The following SULT4A1 variants were observed in gnomAD, a reference collection of about 807,000 sequenced individuals.
The protein encoded by SULT4A1 is sulfotransferase 4A1.
A neutral mutation model predicts 35.2 loss-of-function variants in SULT4A1; 11 were observed. The observed-to-expected ratio is 0.31, with a 90% CI of 0.20 to 0.52. SULT4A1 has a LOEUF of 0.52. SULT4A1 is among the 20% of genes least tolerant of loss of function. The probability of loss-of-function intolerance (pLI) is 0.97; values close to 1 mark genes in which losing one functional copy is unlikely to be tolerated. For synonymous variants in SULT4A1, 152 were observed against 151.8 expected, an observed-to-expected ratio of 1.00 and a Z score of -0.01; for missense variants, 271 against 383.7, an observed-to-expected ratio of 0.71 and a Z score of 2.45.
At chr22:43,850,351 C>T (rs150052101) in intron 1 of SULT4A1, among the ~76,000 whole-genome samples, 4 of 152,334 alleles carry the variant, frequency 2.6e-5, no homozygotes, top group South Asian at 2.1e-4. Context: ...AGTCGCAGCA[C>T]GATTTTGGAT....
chr22:43,827,160 A>C, intron 6 of SULT4A1: 1 of 985,410 alleles, frequency 1.0e-6, no homozygotes, highest in Non-Finnish European at 1.2e-6. Context: ...GCTTTTGAAG[A>C]ACTGCTCGTT....
rs553571333 is a variant in SULT4A1, at chr22:43,846,079, CAG to C, written c.170-4149_170-4148del. On this transcript the variant is annotated intron_variant, in intron 1 of 6. Transcript: ENST00000330884. Reference sequence around the variant, plus strand: ...CGCCGTCAGGCAGCTCTGCCTCCCACAGAGTCAACGCAAGGCCTTCACCATGT... The same window carrying C: ...CGCCGTCAGGCAGCTCTGCCTCCCACAGTCAACGCAAGGCCTTCACCATGT... 3.2e-3 allele frequency among the ~76,000 whole-genome samples: 492 copies of C among 152,344 alleles called. 6 individuals carry two copies. Among genetic ancestry groups the C allele is most frequent in the African/African-American group, 0.011 (475 of 41,576 alleles).
intron 1 of SULT4A1, among the ~76,000 whole-genome samples, chr22:43,853,248 A>C (rs1017683420): frequency 1.3e-5 from 2 of 152,164 alleles, no homozygotes; most frequent in Non-Finnish European, 2.9e-5. Flanking sequence ...GCAGCGAAAC[A>C]GGGCCACGTC....
intron 1 of SULT4A1, among the ~76,000 whole-genome samples, chr22:43,856,042 TCA>T (rs2049397965): frequency 6.6e-6 from 1 of 152,164 alleles, no homozygotes; most frequent in African/African-American, 2.4e-5. Context: ...CCAGAGAATC[TCA>T]CACTGAGCAG....
chr22:43,825,943 G>A lies in SULT4A1; in HGVS notation c.*58C>T, dbSNP rs897259078. 1.3e-6 allele frequency: 2 copies of A among 1,523,280 alleles called. No homozygotes were observed. Among genetic ancestry groups the A allele is most frequent in the Middle Eastern group, 1.7e-4 (1 of 5,816 alleles). The allele number at this position is 1,523,280 out of a possible 1,614,324, so 94.4% of individuals were successfully genotyped here. On this transcript the variant is annotated 3_prime_UTR_variant, in exon 7 of 7. Transcript: ENST00000330884. ...GCAAGGAATAAATGAATGCATACAG[G>A]ACTTTTGGCTAGTAGACTGTCTGGG...
At chr22:43,852,706 C>T (rs113354904) in intron 1 of SULT4A1, among the ~76,000 whole-genome samples, 6 of 151,696 alleles carry the variant, frequency 4.0e-5, no homozygotes, top group Admixed American at 1.3e-4. Flanking sequence ...ACAATGCCCT[C>T]GACACAGAGC....
chr22:43,854,871 T>C (rs1392729138), intron 1 of SULT4A1, among the ~76,000 whole-genome samples: 1 of 152,164 alleles, frequency 6.6e-6, no homozygotes, highest in Non-Finnish European at 1.5e-5. Flanking sequence ...GCCCACTCTC[T>C]AGTACGAAAG....
At chr22:43,826,916 T>G (rs540081257) in intron 6 of SULT4A1, 1 of 985,446 alleles carries the variant, frequency 1.0e-6, no homozygotes, top group East Asian at 1.1e-4. Context: ...AAGGGAGGGC[T>G]GAGCTGTGGG....
At chr22:43,833,839 T>C in intron 4 of SULT4A1, 105 bp from the exon 5 acceptor site, 1 of 921,016 alleles carries the variant, frequency 1.1e-6, no homozygotes, top group Admixed American at 2.2e-5. Flanking sequence ...CCAGCAGCCG[T>C]GATGAGGACA....
chr22:43,838,035 C>G (rs1331025491), intron 4 of SULT4A1, among the ~76,000 whole-genome samples: 1 of 152,250 alleles, frequency 6.6e-6, no homozygotes, highest in African/African-American at 2.4e-5. Context: ...TGCCTGCACA[C>G]CCTACACTGC....
At chr22:43,829,934 T>C (rs143930762) in intron 5 of SULT4A1, among the ~76,000 whole-genome samples, 150 of 152,320 alleles carry the variant, frequency 9.8e-4, no homozygotes, top group African/African-American at 3.6e-3. Context: ...CTCTAAAAAG[T>C]CCTACAGTGA....
In SULT4A1 at chr22:43,833,546, C is replaced by T. The variant is rs542236994; in HGVS notation, c.603+94G>A. 9.1e-4 allele frequency: 832 copies of T among 916,078 alleles called. 3 individuals carry two copies. The highest frequency in any genetic ancestry group is 2.0e-3 in the Admixed American group (88 of 44,724). The allele number at this position is 916,078 out of a possible 1,614,324, so 56.7% of individuals were successfully genotyped here. On this transcript the variant is annotated intron_variant, in intron 5 of 6. Coordinates refer to ENST00000330884, the MANE Select transcript of SULT4A1 (RefSeq NM_014351.4). ...TGTCCCTCCTCAGACCCCTCCTCCT[C>T]CTCCCACACGCCCACTGTAAAGGGC...
intron 4 of SULT4A1, among the ~76,000 whole-genome samples, chr22:43,838,339 C>A (rs2063394310): frequency 6.6e-6 from 1 of 152,224 alleles, no homozygotes; most frequent in African/African-American, 2.4e-5. Flanking sequence ...TCCCTGCGGG[C>A]ACAAGTGTGC....
At chr22:43,847,002 C>A (rs1474287372) in intron 1 of SULT4A1, among the ~76,000 whole-genome samples, 1 of 152,182 alleles carries the variant, frequency 6.6e-6, no homozygotes, top group African/African-American at 2.4e-5. Context: ...CCCGTCCTCA[C>A]CCCCATTAAA....
intron 1 of SULT4A1, among the ~76,000 whole-genome samples, chr22:43,852,864 G>T (rs1404502927): frequency 1.3e-5 from 2 of 151,428 alleles, no homozygotes; most frequent in African/African-American, 2.4e-5. Flanking sequence ...CTTCCCCCTT[G>T]GGTCTCACCC....
intron 1 of SULT4A1, among the ~76,000 whole-genome samples, chr22:43,850,361 T>C (rs1211448435): frequency 1.3e-5 from 2 of 152,250 alleles, no homozygotes; most frequent in Non-Finnish European, 2.9e-5. Flanking sequence ...CGATTTTGGA[T>C]TTAATTCAAG....
At chr22:43,834,156 G>A (rs1476637231) in intron 4 of SULT4A1, among the ~76,000 whole-genome samples, 1 of 152,186 alleles carries the variant, frequency 6.6e-6, no homozygotes, top group African/African-American at 2.4e-5. Context: ...ACGGGGCCCT[G>A]CTGGGCAAGA....
chr22:43,827,200 G>T, intron 6 of SULT4A1: 1 of 985,404 alleles, frequency 1.0e-6, no homozygotes, highest in Non-Finnish European at 1.2e-6. Context: ...AGCTCTCTGA[G>T]ATCAGAGCTC....
intron 1 of SULT4A1, among the ~76,000 whole-genome samples, chr22:43,853,168 GCACA>G (rs1367653991): frequency 6.6e-6 from 1 of 151,370 alleles, no homozygotes; most frequent in African/African-American, 2.4e-5. Context: ...CACAACACAT[GCACA>G]CACACCACAC....
Sources: allele counts gnomAD v4.1 joint callset (sites outside exome capture counted in the v4.1 genomes callset), GRCh38; gene constraint gnomAD v4.1.1; transcripts MANE v1.5; gene names NCBI Gene and HGNC (gene_info 2026-07-23, HGNC 2026-07-21).